The following ADGB variants were observed in gnomAD, a reference collection of about 807,000 sequenced individuals.
ADGB encodes androglobin.
In ADGB, 172 loss-of-function variants were observed where a neutral mutation model predicts 210.5. The observed-to-expected ratio is 0.82, with a 90% CI of 0.72 to 0.93. The LOEUF (loss-of-function observed/expected upper bound fraction) is 0.93. Ranked by LOEUF, ADGB falls within the 40% of genes least tolerant of loss-of-function variation. The probability of loss-of-function intolerance (pLI) is 0.00; values close to 1 mark genes in which losing one functional copy is unlikely to be tolerated. For synonymous variants in ADGB, 658 were observed against 662.7 expected (o/e 0.99, Z 0.11); for missense variants, 2,025 against 1,964.8 (o/e 1.03, Z -0.58).
intron 20 of ADGB, 42 bp from the exon 21 acceptor site, chr6:146,733,078 T>C (rs1320457049): frequency 2.2e-6 from 3 of 1,390,152 alleles, no homozygotes; most frequent in South Asian, 1.6e-5. Context: ...TCTGGCCAGA[T>C]GATGGTATTT....
At chr6:146,692,619 T>C (rs563021159) in intron 11 of ADGB, among the ~76,000 whole-genome samples, 1 of 152,214 alleles carries the variant, frequency 6.6e-6, no homozygotes, top group East Asian at 1.9e-4. Context: ...AAGAAAAGAG[T>C]AGACAAAAGA....
intron 29 of ADGB, among the ~76,000 whole-genome samples, chr6:146,771,368 T>C (rs1354322914): frequency 1.3e-5 from 2 of 151,874 alleles, no homozygotes; most frequent in Non-Finnish European, 2.9e-5. Flanking sequence ...CAAGTTCTAA[T>C]GGAAAATAAA....
intron 23 of ADGB, among the ~76,000 whole-genome samples, chr6:146,738,438 C>CTT (rs71031008): frequency 1.0e-3 from 72 of 71,388 alleles, no homozygotes; most frequent in East Asian, 3.3e-3. Flanking sequence ...CCCATTTCAT[C>CTT]TTTTTTTTTT....
At chr6:146,795,037 G>A (rs900289672) in intron 33 of ADGB, among the ~76,000 whole-genome samples, 1 of 152,098 alleles carries the variant, frequency 6.6e-6, no homozygotes, top group African/African-American at 2.4e-5. Flanking sequence ...ACCCATTGGT[G>A]ACCCCAAGGA....
chr6:146,657,932 G>A (rs935059676), intron 5 of ADGB, among the ~76,000 whole-genome samples: 2 of 152,146 alleles, frequency 1.3e-5, no homozygotes, highest in Non-Finnish European at 2.9e-5. Flanking sequence ...CACTAAATTA[G>A]CAATGCTAGA....
intron 5 of ADGB, among the ~76,000 whole-genome samples, chr6:146,658,668 C>G (rs1775816496): frequency 6.6e-6 from 1 of 152,180 alleles, no homozygotes; most frequent in South Asian, 2.1e-4. Flanking sequence ...GAAAATGTGA[C>G]TTATTTCTCC....
chr6:146,672,968 T>C (rs555898342), intron 8 of ADGB, among the ~76,000 whole-genome samples: 2 of 152,160 alleles, frequency 1.3e-5, no homozygotes, highest in African/African-American at 4.8e-5. Context: ...TGACCTCAGG[T>C]GATCCACCCG....
chr6:146,799,265 C>G (rs1352293882), intron 33 of ADGB, among the ~76,000 whole-genome samples: 1 of 151,836 alleles, frequency 6.6e-6, no homozygotes, highest in African/African-American at 2.4e-5. Context: ...TCAACATGTA[C>G]AAGACTCCTA....
At chr6:146,663,010 T>C (rs1484746445) in intron 5 of ADGB, among the ~76,000 whole-genome samples, 1 of 145,292 alleles carries the variant, frequency 6.9e-6, no homozygotes, top group African/African-American at 2.5e-5. Context: ...CTTAATAATA[T>C]ATATCTTCAT....
chr6:146,757,520 C>G (rs1409221763), intron 27 of ADGB, among the ~76,000 whole-genome samples: 1 of 151,432 alleles, frequency 6.6e-6, no homozygotes, highest in Non-Finnish European at 1.5e-5. Flanking sequence ...TCTTTTGTTC[C>G]TGTCATTCTT....
At position 146,740,678 on chromosome 6, in the gene ADGB, A is replaced by G. The variant is rs73575947; in HGVS notation, c.3023+85A>G. The G allele has an allele frequency of 0.017, 22,832 of 1,378,600 alleles. 2,986 individuals are homozygous for G. In the African/African-American group the frequency reaches 0.29, roughly 18 times the overall value. The allele number at this position is 1,378,600 out of a possible 1,614,324, so 85.4% of individuals were successfully genotyped here. A position where few individuals can be genotyped will look rare whatever the true frequency, so the allele number is the denominator to read the frequency against. On this transcript the variant is annotated intron_variant, in intron 24 of 35. Transcript: ENST00000397944. Reference sequence around the variant, plus strand: ...GAATATTTCTGATAGTAGTAAAGGTATTAGCTTCTGGGTTGCTTTCATAAG... The same window carrying G: ...GAATATTTCTGATAGTAGTAAAGGTGTTAGCTTCTGGGTTGCTTTCATAAG...
intron 9 of ADGB, among the ~76,000 whole-genome samples, chr6:146,680,924 C>G (rs1167139282): frequency 1.3e-5 from 2 of 152,122 alleles, no homozygotes; most frequent in African/African-American, 2.4e-5. Context: ...CTCCTATACT[C>G]TAGCATGTGA....
At chr6:146,657,922 C>T (rs1247978515) in intron 5 of ADGB, among the ~76,000 whole-genome samples, 1 of 152,162 alleles carries the variant, frequency 6.6e-6, no homozygotes, top group Non-Finnish European at 1.5e-5. Context: ...AGCAGACACA[C>T]ACTAAATTAG....
At chr6:146,710,270 T>A (rs1776641251) in intron 13 of ADGB, among the ~76,000 whole-genome samples, 1 of 93,762 alleles carries the variant, frequency 1.1e-5, no homozygotes, top group South Asian at 3.1e-4. Context: ...TTTTATAAAA[T>A]CCAATTAATT....
intron 8 of ADGB, among the ~76,000 whole-genome samples, chr6:146,675,624 G>C (rs1010580582): frequency 2.0e-5 from 3 of 152,072 alleles, no homozygotes; most frequent in Non-Finnish European, 2.9e-5. Flanking sequence ...ATGATGCAGA[G>C]AATGAAATGA....
chr6:146,808,294 T>C (rs1352500520), intron 35 of ADGB, among the ~76,000 whole-genome samples: 1 of 152,170 alleles, frequency 6.6e-6, no homozygotes, highest in Non-Finnish European at 1.5e-5. Flanking sequence ...GCCACCACTT[T>C]GGGCCAAATT....
chr6:146,676,074 C>T (rs1346456591), intron 8 of ADGB, among the ~76,000 whole-genome samples: 2 of 152,054 alleles, frequency 1.3e-5, no homozygotes, highest in African/African-American at 2.4e-5. Context: ...AAATTATATA[C>T]AGTAGATAAA....
chr6:146,615,150 C>T (rs1780779101), intron 1 of ADGB, among the ~76,000 whole-genome samples: 1 of 152,086 alleles, frequency 6.6e-6, no homozygotes, highest in African/African-American at 2.4e-5. Flanking sequence ...TCGTGATCCC[C>T]CTGCCTTGGC....
chr6:146,711,674 A>G (rs1389634828), intron 13 of ADGB, among the ~76,000 whole-genome samples: 2 of 152,120 alleles, frequency 1.3e-5, no homozygotes, highest in African/African-American at 2.4e-5. Flanking sequence ...CATTTCCTCA[A>G]AATTGTAAAG....
Sources: allele counts gnomAD v4.1 joint callset (sites outside exome capture counted in the v4.1 genomes callset), GRCh38; gene constraint gnomAD v4.1.1; transcripts MANE v1.5; gene names NCBI Gene and HGNC (gene_info 2026-07-23, HGNC 2026-07-21).